The following REDIC1 variants were observed in gnomAD, a reference collection of about 807,000 sequenced individuals.
REDIC1 encodes the protein HEI10 Interacting Protein 1.
At chr12:39,709,140 C>G in the REDIC1 span, among the ~76,000 whole-genome samples, 1 of 151,118 alleles carries the variant, frequency 6.6e-6, no homozygotes. Flanking sequence ...GATACCCAAA[C>G]ACACACACAC....
chr12:39,841,745 A>T, the REDIC1 span, among the ~76,000 whole-genome samples: 3 of 152,204 alleles, frequency 2.0e-5, no homozygotes, highest in African/African-American at 7.2e-5. Context: ...AGAGAAAAAA[A>T]CAGTAACTAA....
chr12:39,629,135 C>T, the REDIC1 span, among the ~76,000 whole-genome samples: 3 of 152,210 alleles, frequency 2.0e-5, no homozygotes, highest in African/African-American at 4.8e-5. Context: ...GGGAAACAAT[C>T]GAACACTGGT....
At chr12:39,837,137 C>G in the REDIC1 span, among the ~76,000 whole-genome samples, 1 of 120,230 alleles carries the variant, frequency 8.3e-6, no homozygotes, top group South Asian at 2.9e-4. Flanking sequence ...GGTACCAAAA[C>G]AGAGATATAG....
chr12:39,711,537 ATATATG>A, the REDIC1 span, among the ~76,000 whole-genome samples: 1,092 of 116,766 alleles, frequency 9.4e-3, 26 homozygotes, highest in African/African-American at 0.036. Context: ...GTGTATATAC[ATATATG>A]TATGTGCATA....
At chr12:39,906,442 C>T in the REDIC1 span, among the ~76,000 whole-genome samples, 1 of 152,098 alleles carries the variant, frequency 6.6e-6, no homozygotes, top group African/African-American at 2.4e-5. Flanking sequence ...CACTAGATAA[C>T]TTTCCCCAGT....
the REDIC1 span, among the ~76,000 whole-genome samples, chr12:39,711,836 T>C: frequency 9.8e-6 from 1 of 102,116 alleles, no homozygotes; most frequent in South Asian, 3.1e-4. Context: ...TGTGTATATG[T>C]GTGTATACAC....
the REDIC1 span, chr12:39,682,975 A>G: frequency 6.8e-6 from 11 of 1,613,430 alleles, no homozygotes; most frequent in Non-Finnish European, 9.3e-6. Context: ...AAACATTTTT[A>G]CAGTTCCAGA....
chr12:39,746,771 T>C, the REDIC1 span, among the ~76,000 whole-genome samples: 1 of 152,204 alleles, frequency 6.6e-6, no homozygotes, highest in South Asian at 2.1e-4. Context: ...TGTTCAGCAA[T>C]ATTCGCTGTT....
At chr12:39,783,668 C>T in the REDIC1 span, among the ~76,000 whole-genome samples, 2 of 152,250 alleles carry the variant, frequency 1.3e-5, no homozygotes, top group South Asian at 4.2e-4. Flanking sequence ...TAAATGTCTT[C>T]TTTTGAGAAG....
At chr12:39,850,510 T>C in the REDIC1 span, among the ~76,000 whole-genome samples, 1 of 152,128 alleles carries the variant, frequency 6.6e-6, no homozygotes, top group Non-Finnish European at 1.5e-5. Flanking sequence ...AATTTTACTC[T>C]AGTCATATAT....
the REDIC1 span, among the ~76,000 whole-genome samples, chr12:39,838,392 G>C: frequency 6.8e-6 from 1 of 146,068 alleles, no homozygotes; most frequent in Non-Finnish European, 1.5e-5. Context: ...CCTAATGCTA[G>C]ATGACGAGTT....
chr12:39,834,203 C>G, the REDIC1 span, among the ~76,000 whole-genome samples: 1 of 152,052 alleles, frequency 6.6e-6, no homozygotes, highest in Non-Finnish European at 1.5e-5. Flanking sequence ...TCTTTTGTTA[C>G]AGTAATGCCC....
At chr12:39,713,138 T>C in the REDIC1 span, among the ~76,000 whole-genome samples, 124 of 150,132 alleles carry the variant, frequency 8.3e-4, 4 homozygotes, top group African/African-American at 2.7e-3. Flanking sequence ...TATACGTATA[T>C]ATGTAGATAT....
At chr12:39,888,096 T>G in the REDIC1 span, among the ~76,000 whole-genome samples, 1 of 152,250 alleles carries the variant, frequency 6.6e-6, no homozygotes, top group Non-Finnish European at 1.5e-5. Flanking sequence ...CCATGGAGGA[T>G]CCATGTGCTT....
At chr12:39,896,297 T>C in the REDIC1 span, among the ~76,000 whole-genome samples, 3 of 143,668 alleles carry the variant, frequency 2.1e-5, no homozygotes. Context: ...TATATGTGTG[T>C]ATATATGTAT....
chr12:39,683,881 T>C, the REDIC1 span, among the ~76,000 whole-genome samples: 1 of 152,174 alleles, frequency 6.6e-6, no homozygotes, highest in African/African-American at 2.4e-5. Context: ...GTGGGAAGGT[T>C]GCTTGCTTGG....
At chr12:39,667,824 C>T in the REDIC1 span, among the ~76,000 whole-genome samples, 1 of 152,154 alleles carries the variant, frequency 6.6e-6, no homozygotes, top group Non-Finnish European at 1.5e-5. Context: ...TATGTAATGG[C>T]CTTCTTTGTC....
At chr12:39,754,163 T>G in the REDIC1 span, 2 of 152,172 alleles carry the variant, frequency 1.3e-5, no homozygotes, top group Admixed American at 1.3e-4. Flanking sequence ...AAGAGTTTTC[T>G]ATGACTTTCT....
chr12:39,753,469 G>A, the REDIC1 span, among the ~76,000 whole-genome samples: 1 of 152,110 alleles, frequency 6.6e-6, no homozygotes, highest in East Asian at 1.9e-4. Context: ...ATATGGGAAG[G>A]TTGTTCTTTT....
Sources: gnomAD v4.1 joint callset for allele counts (sites outside exome capture counted in the v4.1 genomes callset) on GRCh38, gnomAD v4.1.1 for gene constraint, MANE v1.5 for transcripts, NCBI Gene and HGNC (gene_info 2026-07-23, HGNC 2026-07-21) for gene names.